The following BCAT1 variants were observed in gnomAD, a reference collection of about 807,000 sequenced individuals.
BCAT1 encodes branched-chain-amino-acid aminotransferase, cytosolic.
BCAT1 carries 48 observed loss-of-function variants against 52.4 expected under a neutral mutation model. The ratio of observed to expected loss-of-function variants is 0.92; its 90% CI spans 0.73 to 1.16. BCAT1 has a LOEUF of 1.16. BCAT1 is among the 50% of genes most tolerant of loss of function. The probability of loss-of-function intolerance (pLI) is 0.00; values close to 1 mark genes in which losing one functional copy is unlikely to be tolerated. For synonymous variants in BCAT1, 167 were observed against 161.3 expected, an observed-to-expected ratio of 1.04 and a Z score of -0.27; for missense variants, 451 against 457.1, an observed-to-expected ratio of 0.99 and a Z score of 0.12.
At chr12:24,903,214 G>C (rs945235039) in intron 1 of BCAT1, 2 of 992,344 alleles carry the variant, frequency 2.0e-6, no homozygotes, top group Non-Finnish European at 2.6e-6. Flanking sequence ...GTCTGCAGTC[G>C]CTAAAACCGA....
chr12:24,875,725 A>G (rs938204749), intron 5 of BCAT1, among the ~76,000 whole-genome samples: 2 of 152,214 alleles, frequency 1.3e-5, no homozygotes, highest in Non-Finnish European at 1.5e-5. Flanking sequence ...CAAAAAGTTA[A>G]GAATTCCCTA....
chr12:24,856,380 A>T (rs964993314), intron 5 of BCAT1, among the ~76,000 whole-genome samples: 3 of 152,092 alleles, frequency 2.0e-5, no homozygotes, highest in Non-Finnish European at 4.4e-5. Context: ...CCCTCCTATT[A>T]TGGGTTGAAT....
At chr12:24,942,411 G>A (rs1336526586) in intron 1 of BCAT1, among the ~76,000 whole-genome samples, 2 of 152,028 alleles carry the variant, frequency 1.3e-5, no homozygotes, top group Non-Finnish European at 2.9e-5. Context: ...AAGCGTGGTC[G>A]TGGGTGTCTG....
At chr12:24,856,169 C>A (rs1941675099) in intron 5 of BCAT1, among the ~76,000 whole-genome samples, 1 of 152,126 alleles carries the variant, frequency 6.6e-6, no homozygotes, top group East Asian at 1.9e-4. Context: ...TGCTTCTTGA[C>A]CTGCAAATAA....
At chr12:24,863,207 T>C (rs1941900385) in intron 5 of BCAT1, among the ~76,000 whole-genome samples, 1 of 152,254 alleles carries the variant, frequency 6.6e-6, no homozygotes, top group Non-Finnish European at 1.5e-5. Flanking sequence ...CACTCTTCTC[T>C]AACTTCCTCC....
At chr12:24,819,767 T>A (rs1213331318) in intron 10 of BCAT1, among the ~76,000 whole-genome samples, 3 of 152,142 alleles carry the variant, frequency 2.0e-5, no homozygotes, top group African/African-American at 7.2e-5. Context: ...CACCTGGTAG[T>A]TTACATGCAA....
chr12:24,832,891 A>G (rs1259984417), intron 8 of BCAT1, 28 bp from the exon 9 acceptor site: 3 of 1,582,572 alleles, frequency 1.9e-6, no homozygotes, highest in South Asian at 1.2e-5. Flanking sequence ...AATAACAAGT[A>G]TATTTTAAAG....
intron 10 of BCAT1, among the ~76,000 whole-genome samples, chr12:24,829,327 T>G (rs1940547587): frequency 6.6e-6 from 1 of 152,102 alleles, no homozygotes; most frequent in Admixed American, 6.6e-5. Flanking sequence ...GAGGTTGCAG[T>G]GAGCCAAGAT....
chr12:24,823,774 C>T (rs536427835), intron 10 of BCAT1, among the ~76,000 whole-genome samples: 1 of 152,282 alleles, frequency 6.6e-6, no homozygotes, highest in South Asian at 2.1e-4. Context: ...TTTCCTGAGG[C>T]CTCCCCAGCC....
At chr12:24,846,739 C>T (rs546541022) in intron 6 of BCAT1, among the ~76,000 whole-genome samples, 5 of 152,164 alleles carry the variant, frequency 3.3e-5, no homozygotes, top group South Asian at 4.2e-4. Flanking sequence ...ATTTGGATTT[C>T]GAATTTTTTG....
intron 2 of BCAT1, among the ~76,000 whole-genome samples, chr12:24,897,881 G>A (rs1185595342): frequency 6.6e-6 from 1 of 151,874 alleles, no homozygotes; most frequent in East Asian, 1.9e-4. Flanking sequence ...AGTAATATAC[G>A]ATTAGGTGGC....
intron 1 of BCAT1, chr12:24,903,624 T>A (rs1277178958): frequency 6.6e-6 from 1 of 152,198 alleles, no homozygotes; most frequent in Non-Finnish European, 1.5e-5. Context: ...CAGGCTCGCA[T>A]TCCCTAAGGG....
At chr12:24,935,202 C>G (rs964566587) in intron 1 of BCAT1, among the ~76,000 whole-genome samples, 9 of 152,082 alleles carry the variant, frequency 5.9e-5, no homozygotes, top group African/African-American at 2.2e-4. Flanking sequence ...GAGCAGAAAG[C>G]TAGAAACCAC....
At chr12:24,903,023 G>A (rs528595785) in intron 1 of BCAT1, 27 of 1,421,708 alleles carry the variant, frequency 1.9e-5, no homozygotes, top group African/African-American at 1.7e-4. Flanking sequence ...TGCAGAGAGC[G>A]GCAGTGGCAC....
At chr12:24,822,388 A>G (rs1194629504) in intron 10 of BCAT1, among the ~76,000 whole-genome samples, 3 of 152,216 alleles carry the variant, frequency 2.0e-5, no homozygotes, top group Admixed American at 6.5e-5. Flanking sequence ...ACTGGCAAGA[A>G]TCTTGAAGGT....
At chr12:24,900,620 A>G (rs1943077214) in intron 2 of BCAT1, among the ~76,000 whole-genome samples, 1 of 152,200 alleles carries the variant, frequency 6.6e-6, no homozygotes, top group South Asian at 2.1e-4. Flanking sequence ...AAGATTATTT[A>G]AATTTGAGTT....
chr12:24,828,570 A>T (rs1171113724), intron 10 of BCAT1, among the ~76,000 whole-genome samples: 1 of 152,234 alleles, frequency 6.6e-6, no homozygotes, highest in African/African-American at 2.4e-5. Context: ...ACATCAATAT[A>T]ATGGAATTCA....
intron 6 of BCAT1, among the ~76,000 whole-genome samples, chr12:24,848,606 G>C (rs1438217547): frequency 1.3e-5 from 2 of 152,120 alleles, no homozygotes; most frequent in African/African-American, 4.8e-5. Flanking sequence ...CATCAAGACT[G>C]TTTATTTACT....
At chr12:24,944,076 C>T (rs553590626) in intron 1 of BCAT1, among the ~76,000 whole-genome samples, 1 of 152,278 alleles carries the variant, frequency 6.6e-6, no homozygotes, top group East Asian at 1.9e-4. Context: ...CTCAAACCTG[C>T]ATGTGTTTCT....
Sources: gnomAD v4.1 joint callset for allele counts (sites outside exome capture counted in the v4.1 genomes callset) on GRCh38, gnomAD v4.1.1 for gene constraint, MANE v1.5 for transcripts, NCBI Gene and HGNC (gene_info 2026-07-23, HGNC 2026-07-21) for gene names.